ZMIZ1: variants seen among roughly 807,000 people sequenced by gnomAD.
ZMIZ1 encodes zinc finger MIZ domain-containing protein 1.
In ZMIZ1, 17 loss-of-function variants were observed where a neutral mutation model predicts 113.9. The ratio of observed to expected loss-of-function variants is 0.15; its 90% CI spans 0.10 to 0.22. ZMIZ1 has a LOEUF of 0.22. ZMIZ1 is among the 10% of genes least tolerant of loss of function. ZMIZ1 has a pLI of 1.00. For synonymous variants in ZMIZ1, 607 were observed against 603.1 expected (o/e 1.01, Z -0.09); for missense variants, 1,059 against 1,477.8 (o/e 0.72, Z 4.65).
At position 79,307,631 on chromosome 10, in the gene ZMIZ1, T is replaced by G. The variant is rs1854812366; in HGVS notation, c.2835+60T>G. 8 of 1,560,876 alleles carry G rather than the reference T, an allele frequency of 5.1e-6. No individual in the cohort carries two copies. In the East Asian group the frequency reaches 1.8e-4, roughly 35 times the overall value. On this transcript the variant is annotated intron_variant, in intron 23 of 24. Transcript: ENST00000334512. ...AGCCTTTGGGGTTGATGCCTTGGGATCTGGATACCCTGTTCCCTCCCAGGC... is the reference window on the plus strand; with the variant it reads ...AGCCTTTGGGGTTGATGCCTTGGGAGCTGGATACCCTGTTCCCTCCCAGGC...
chr10:79,288,941 A>G (rs548424331), intron 8 of ZMIZ1, among the ~76,000 whole-genome samples: 1 of 152,222 alleles, frequency 6.6e-6, no homozygotes, highest in East Asian at 1.9e-4. Context: ...GAGGGGAAAT[A>G]TGGTCCGGGT....
chr10:79,311,314 C>T, intron 24 of ZMIZ1, 130 bp downstream of exon 24: 2 of 1,056,366 alleles, frequency 1.9e-6, no homozygotes, highest in Non-Finnish European at 2.6e-6. Flanking sequence ...GAGGGCTTCA[C>T]CCAGACCTGG....
At chr10:79,097,267 A>G (rs972139144) in intron 1 of ZMIZ1, among the ~76,000 whole-genome samples, 1 of 152,168 alleles carries the variant, frequency 6.6e-6, no homozygotes, top group African/African-American at 2.4e-5. Context: ...GGCCACCTCC[A>G]TCTTTGCAGC....
chr10:79,285,032 C>G (rs1852976430), intron 8 of ZMIZ1, among the ~76,000 whole-genome samples: 1 of 152,164 alleles, frequency 6.6e-6, no homozygotes, highest in South Asian at 2.1e-4. Flanking sequence ...TCTTGGAATT[C>G]TTGTGGCTTC....
At chr10:79,309,735 T>G (rs769589794) in intron 23 of ZMIZ1, among the ~76,000 whole-genome samples, 5 of 152,126 alleles carry the variant, frequency 3.3e-5, no homozygotes, top group Admixed American at 6.5e-5. Flanking sequence ...AAATTCTAAA[T>G]GCACACAGGA....
chr10:79,081,271 G>A (rs1418571164), intron 1 of ZMIZ1, among the ~76,000 whole-genome samples: 1 of 152,174 alleles, frequency 6.6e-6, no homozygotes, highest in East Asian at 1.9e-4. Context: ...GTCTAAGGCT[G>A]GAGAAGGCAG....
chr10:79,148,708 C>T (rs890847181), intron 3 of ZMIZ1, among the ~76,000 whole-genome samples: 3 of 152,240 alleles, frequency 2.0e-5, no homozygotes, highest in Non-Finnish European at 2.9e-5. Context: ...ATGTCCCCAG[C>T]CTCAGCTTGC....
At chr10:79,148,923 CG>C (rs1022208338) in intron 3 of ZMIZ1, among the ~76,000 whole-genome samples, 8 of 152,238 alleles carry the variant, frequency 5.3e-5, no homozygotes, top group Non-Finnish European at 1.0e-4. Flanking sequence ...TGGGTCTGTA[CG>C]TGGCCCCGCC....
intron 1 of ZMIZ1, among the ~76,000 whole-genome samples, chr10:79,104,025 A>G (rs572710432): frequency 3.4e-4 from 51 of 152,158 alleles, no homozygotes; most frequent in African/African-American, 9.9e-4. Context: ...TAGTCCTGCC[A>G]CTCCTGTGCC....
At chr10:79,282,340 C>T (rs1165823644) in intron 8 of ZMIZ1, among the ~76,000 whole-genome samples, 1 of 152,192 alleles carries the variant, frequency 6.6e-6, no homozygotes, top group Non-Finnish European at 1.5e-5. Context: ...CTTGGGTGAG[C>T]TGGGACAGTT....
chr10:79,288,948 G>A (rs533959107), intron 8 of ZMIZ1, among the ~76,000 whole-genome samples: 16 of 152,280 alleles, frequency 1.1e-4, no homozygotes, highest in East Asian at 9.6e-4. Flanking sequence ...AATATGGTCC[G>A]GGTTGGTAGA....
At chr10:79,204,555 G>A (rs1848234356) in intron 5 of ZMIZ1, among the ~76,000 whole-genome samples, 1 of 152,178 alleles carries the variant, frequency 6.6e-6, no homozygotes, top group African/African-American at 2.4e-5. Context: ...CTGTCTCTCT[G>A]GAGCTATGGG....
intron 1 of ZMIZ1, among the ~76,000 whole-genome samples, chr10:79,108,809 G>A (rs952272455): frequency 2.6e-5 from 4 of 152,082 alleles, no homozygotes; most frequent in East Asian, 1.9e-4. Context: ...TCAGCACAGA[G>A]GCAGTGAGGG....
intron 1 of ZMIZ1, among the ~76,000 whole-genome samples, chr10:79,088,497 C>T (rs1485659859): frequency 1.3e-5 from 2 of 152,176 alleles, no homozygotes; most frequent in South Asian, 2.1e-4. Context: ...TGGGTTCTTT[C>T]GGTTAAAGGT....
intron 7 of ZMIZ1, among the ~76,000 whole-genome samples, chr10:79,248,792 G>A (rs1204354567): frequency 1.3e-5 from 2 of 152,182 alleles, no homozygotes; most frequent in African/African-American, 4.8e-5. Flanking sequence ...TCCCTCGGGG[G>A]ATTCTAGCCA....
In ZMIZ1 at chr10:79,314,021, G is replaced by C. The variant is rs1008128529; in HGVS notation, c.*1272G>C. 2.2e-6 allele frequency: 1 copy of C among 456,480 alleles called. No individual in the cohort carries two copies. Among genetic ancestry groups the C allele is most frequent in the Non-Finnish European group, 4.4e-6 (1 of 226,900 alleles). 28.3% of individuals were successfully genotyped at this position (456,480 alleles called of 1,614,324 possible). On this transcript the variant is annotated 3_prime_UTR_variant, in exon 25 of 25. Transcript: ENST00000334512. ...CTGCAGGCATGGGGGGGAGGGGGGC[G>C]TGTTTCTGGGCCTGCCCCAGACACT...
intron 1 of ZMIZ1, among the ~76,000 whole-genome samples, chr10:79,108,753 G>A (rs1418740861): frequency 2.6e-5 from 4 of 152,140 alleles, no homozygotes; most frequent in Non-Finnish European, 4.4e-5. Context: ...GCTTACAGCA[G>A]GCAGCATCCT....
chr10:79,197,595 T>C (rs1355518862), intron 4 of ZMIZ1, among the ~76,000 whole-genome samples: 8 of 136,846 alleles, frequency 5.8e-5, no homozygotes, highest in East Asian at 2.3e-4. Flanking sequence ...ACCCAGACCA[T>C]ACACACACAC....
At chr10:79,096,752 G>A (rs1392445462) in intron 1 of ZMIZ1, among the ~76,000 whole-genome samples, 4 of 152,260 alleles carry the variant, frequency 2.6e-5, no homozygotes, top group Non-Finnish European at 4.4e-5. Flanking sequence ...TAGGACAATG[G>A]CCAGAACAGA....
Sources: gnomAD v4.1 joint callset for allele counts (sites outside exome capture counted in the v4.1 genomes callset) on GRCh38, gnomAD v4.1.1 for gene constraint, MANE v1.5 for transcripts, NCBI Gene and HGNC (gene_info 2026-07-23, HGNC 2026-07-21) for gene names.